Variants in TARP observed in about 807,000 individuals in gnomAD.
chr7:38,266,844 A>G, the TARP span, among the ~76,000 whole-genome samples: 39 of 151,862 alleles, frequency 2.6e-4, no homozygotes, highest in African/African-American at 9.2e-4. Flanking sequence ...GAATTTAGAA[A>G]CAAAATGGCA....
the TARP span, among the ~76,000 whole-genome samples, chr7:38,268,215 T>A: frequency 6.6e-6 from 1 of 151,374 alleles, no homozygotes; most frequent in Admixed American, 6.6e-5. Context: ...AAATAATAAA[T>A]AAAATTTATT....
chr7:38,262,422 T>C, the TARP span, among the ~76,000 whole-genome samples: 2 of 151,838 alleles, frequency 1.3e-5, no homozygotes, highest in South Asian at 2.1e-4. Flanking sequence ...GATGTTGAAG[T>C]TGGTGAAGAA....
chr7:38,267,257 T>C, the TARP span, among the ~76,000 whole-genome samples: 1 of 151,780 alleles, frequency 6.6e-6, no homozygotes. Flanking sequence ...GAGCTTCTTA[T>C]AGGGATAGGG....
the TARP span, among the ~76,000 whole-genome samples, chr7:38,260,694 A>G: frequency 8.5e-5 from 13 of 152,076 alleles, no homozygotes; most frequent in South Asian, 2.1e-4. Context: ...ATGAGCTACA[A>G]GAGTGAGTCT....
At chr7:38,272,876 T>C in the TARP span, among the ~76,000 whole-genome samples, 1 of 151,334 alleles carries the variant, frequency 6.6e-6, no homozygotes, top group Non-Finnish European at 1.5e-5. Context: ...CTTTTTAACT[T>C]ATAAGTTCAT....
chr7:38,259,803 A>C, the TARP span: 5,062 of 349,162 alleles, frequency 0.014, 100 homozygotes, highest in African/African-American at 0.046. Context: ...AAGCCGCAGG[A>C]TGTCTACACT....
the TARP span, among the ~76,000 whole-genome samples, chr7:38,273,142 G>A: frequency 6.7e-6 from 1 of 149,126 alleles, no homozygotes; most frequent in African/African-American, 2.5e-5. Flanking sequence ...TTCTAAATAT[G>A]GTCACACCGA....
chr7:38,267,160 A>G, the TARP span, among the ~76,000 whole-genome samples: 6 of 151,656 alleles, frequency 4.0e-5, no homozygotes, highest in African/African-American at 1.2e-4. Context: ...TATGCTGCTT[A>G]ACTGTTTTAA....
chr7:38,269,912 C>T, the TARP span, among the ~76,000 whole-genome samples: 3 of 151,820 alleles, frequency 2.0e-5, no homozygotes, highest in Non-Finnish European at 4.4e-5. Flanking sequence ...CCAGCCTGGG[C>T]AACACAGTGA....
the TARP span, among the ~76,000 whole-genome samples, chr7:38,263,674 A>T: frequency 6.6e-6 from 1 of 151,754 alleles, no homozygotes; most frequent in Non-Finnish European, 1.5e-5. Context: ...AAACATGCAT[A>T]CAAAGACAAC....
chr7:38,271,661 T>A, the TARP span, among the ~76,000 whole-genome samples: 1 of 151,338 alleles, frequency 6.6e-6, no homozygotes, highest in African/African-American at 2.4e-5. Flanking sequence ...TGGAAAAAAA[T>A]ATATCCTTTT....
chr7:38,269,213 C>G, the TARP span, among the ~76,000 whole-genome samples: 20 of 151,702 alleles, frequency 1.3e-4, no homozygotes, highest in Non-Finnish European at 2.4e-4. Flanking sequence ...CATTTGGTCT[C>G]AGGGCCAGAC....
At chr7:38,272,942 T>C in the TARP span, among the ~76,000 whole-genome samples, 1 of 151,588 alleles carries the variant, frequency 6.6e-6, no homozygotes, top group Non-Finnish European at 1.5e-5. Flanking sequence ...GCTTTCATTT[T>C]TTCCGATGCT....
the TARP span, chr7:38,265,490 T>C: frequency 6.2e-7 from 1 of 1,612,226 alleles, no homozygotes; most frequent in South Asian, 1.1e-5. Context: ...TCGTTAGTCT[T>C]CATGGTGTTC....
the TARP span, among the ~76,000 whole-genome samples, chr7:38,264,912 G>A: frequency 6.6e-6 from 1 of 151,636 alleles, no homozygotes; most frequent in African/African-American, 2.4e-5. Flanking sequence ...TTTGTGGGTA[G>A]CAAGATTGAG....
At chr7:38,271,762 C>G in the TARP span, among the ~76,000 whole-genome samples, 1 of 151,022 alleles carries the variant, frequency 6.6e-6, no homozygotes. Context: ...ACCTGAGATG[C>G]CTTAGAAAGC....
the TARP span, among the ~76,000 whole-genome samples, chr7:38,261,829 GC>G: frequency 2.4e-4 from 33 of 138,728 alleles, no homozygotes; most frequent in Non-Finnish European, 2.1e-4. Context: ...CTGAGATACT[GC>G]CACCGCACTC....
the TARP span, among the ~76,000 whole-genome samples, chr7:38,265,922 C>T: frequency 6.6e-6 from 1 of 151,596 alleles, no homozygotes; most frequent in Non-Finnish European, 1.5e-5. Flanking sequence ...ATGTCAGATG[C>T]TGGACGAAAA....
At chr7:38,260,591 G>GAATAA in the TARP span, among the ~76,000 whole-genome samples, 1 of 151,574 alleles carries the variant, frequency 6.6e-6, no homozygotes. Context: ...ATTATTGGGT[G>GAATAA]ATTGCATTTA....
Sources: allele counts gnomAD v4.1 joint callset (sites outside exome capture counted in the v4.1 genomes callset), GRCh38; gene constraint gnomAD v4.1.1; transcripts MANE v1.5.